Variants in GLP1R observed in about 807,000 individuals in gnomAD.
The protein encoded by GLP1R is glucagon-like peptide 1 receptor.
In GLP1R, 32 loss-of-function variants were observed where a neutral mutation model predicts 68.4. That is an observed-to-expected ratio of 0.47 (90% confidence interval 0.35 to 0.63). GLP1R has a LOEUF of 0.63. GLP1R is among the 20% of genes least tolerant of loss of function. The probability of loss-of-function intolerance (pLI) is 0.00; values close to 1 mark genes in which losing one functional copy is unlikely to be tolerated. For synonymous variants in GLP1R, 263 were observed against 244.4 expected, an observed-to-expected ratio of 1.08 and a Z score of -0.71; for missense variants, 502 against 594.9, an observed-to-expected ratio of 0.84 and a Z score of 1.62.
At chr6:39,054,313 G>T (rs1768160778) in intron 1 of GLP1R, among the ~76,000 whole-genome samples, 1 of 152,052 alleles carries the variant, frequency 6.6e-6, no homozygotes. Context: ...CGTGGGAGAG[G>T]CCAGAAGTCT....
intron 12 of GLP1R, 143 bp from the exon 13 acceptor site, chr6:39,085,763 T>C: frequency 1.3e-6 from 1 of 747,676 alleles, no homozygotes; most frequent in Non-Finnish European, 2.3e-6. Flanking sequence ...GGGATATTAA[T>C]TTAGGAGCCC....
At chr6:39,068,072 A>G (rs1768562210) in intron 5 of GLP1R, among the ~76,000 whole-genome samples, 1 of 152,276 alleles carries the variant, frequency 6.6e-6, no homozygotes, top group African/African-American at 2.4e-5. Context: ...AGACCATTAA[A>G]TAAATACAAT....
chr6:39,085,833 T>C (rs1276630336), intron 12 of GLP1R, 73 bp from the exon 13 acceptor site: 6 of 1,399,506 alleles, frequency 4.3e-6, no homozygotes, highest in Non-Finnish European at 5.0e-6. Flanking sequence ...TCCCCACTAA[T>C]GTAATAGTGG....
At chr6:39,052,693 C>T (rs141056575) in intron 1 of GLP1R, among the ~76,000 whole-genome samples, 64 of 152,308 alleles carry the variant, frequency 4.2e-4, no homozygotes, top group African/African-American at 1.2e-3. Flanking sequence ...TTCCTTCCAA[C>T]GCTGCCTGCT....
chr6:39,049,193 C>G lies in GLP1R; in HGVS notation c.78+275C>G, dbSNP rs1768030172. 6.6e-6 allele frequency among the ~76,000 whole-genome samples: 1 copy of G among 152,154 alleles called. No homozygotes were observed. The highest frequency in any genetic ancestry group is 1.5e-5 in the Non-Finnish European group (1 of 68,010). ...CCCTCTGCCCGGGCACCCGCTGCCC[C>G]GCGGCCGCCCTGCGCTGACTTCTGC... On this transcript the variant is annotated intron_variant, in intron 1 of 12. Coordinates refer to ENST00000373256, the MANE Select transcript of GLP1R (RefSeq NM_002062.5). This position sits in a 1 kb window ranked among gnomAD's most constrained non-coding sequence, Gnocchi z 4.5.
At chr6:39,077,708 C>A (rs1768867397) in intron 7 of GLP1R, among the ~76,000 whole-genome samples, 2 of 151,896 alleles carry the variant, frequency 1.3e-5, no homozygotes, top group Admixed American at 1.3e-4. Flanking sequence ...CTACACAAGT[C>A]AAGTCTCAGC....
intron 5 of GLP1R, among the ~76,000 whole-genome samples, chr6:39,068,398 T>C (rs539996883): frequency 6.6e-6 from 1 of 150,648 alleles, no homozygotes. Context: ...TGGAGGAGAA[T>C]CTTGCCCCCC....
intron 5 of GLP1R, among the ~76,000 whole-genome samples, chr6:39,069,639 A>AC (rs1051397602): frequency 6.9e-6 from 1 of 145,432 alleles, no homozygotes; most frequent in Non-Finnish European, 1.5e-5. Context: ...CTCTGTCTCA[A>AC]AAAAAAAAAA....
At position 39,088,209 on chromosome 6, in the gene GLP1R, T is replaced by C. The variant is rs1437080053; in HGVS notation, c.*2136T>C. Among the ~76,000 whole-genome samples the C allele has an allele frequency of 6.6e-6, 1 of 152,062 alleles. No homozygotes were observed. Among genetic ancestry groups the C allele is most frequent in the African/African-American group, 2.4e-5 (1 of 41,418 alleles). On this transcript the variant is annotated 3_prime_UTR_variant, in exon 13 of 13. Transcript: ENST00000373256. ...CATCAGACCCCTACACCCAAGTCTTTTAACACGGAGGAAGTTTTTCCTTCA... is the reference window on the plus strand; with the variant it reads ...CATCAGACCCCTACACCCAAGTCTTCTAACACGGAGGAAGTTTTTCCTTCA...
rs200281379 is a variant in GLP1R at position 39,079,102 on chromosome 6, C to A, written c.955-10C>A. ...GGTGCCCCCTGCCAATCCCCGGCCC[C>A]ACCCCGCAGGTGAACTTCCTCATCT... is the stretch of plus-strand genomic sequence containing the variant. On this transcript the variant is annotated splice_polypyrimidine_tract_variant and intron_variant, in intron 9 of 12. Transcript: ENST00000373256. This position sits in a 1 kb window ranked among gnomAD's most constrained non-coding sequence, Gnocchi z 4.5. 75 of 1,613,584 alleles carry A rather than the reference C, an allele frequency of 4.6e-5. No individual in the cohort carries two copies. The East Asian group carries it at 1.7e-3, about 36-fold the overall frequency.
Position 39,072,955 on chromosome 6 carries a change from G to A in GLP1R, c.603G>A (p.Leu201=). The change falls in exon 6 of 13, where the codon CTG becomes CTA. Residue 201 remains leucine (L), a synonymous_variant. Coordinates refer to ENST00000373256, the MANE Select transcript of GLP1R (RefSeq NM_002062.5). ...ALSVFIKDAA[L]KWMYSTAAQQ... ...CCGTCTTCATCAAGGACGCAGCCCT[G>A]AAGTGGATGTATAGCACAGCCGCCC... 6.2e-7 allele frequency: 1 copy of A among 1,614,160 alleles called. No homozygotes were observed. The highest frequency in any genetic ancestry group is 2.2e-5 in the East Asian group (1 of 44,884).
Position 39,057,546 on chromosome 6 carries a change from A to T in GLP1R, c.250A>T (p.Ser84Cys). ...GGAGCCAGGCTCGTTCGTGAATGTC[A>T]GCTGCCCCTGGTACCTGCCCTGGGC... ...DGEPGSFVNV[S>C]CPWYLPWASS... Residue 84 changes from serine to cysteine, a missense_variant, in exon 3 of 13, where the codon AGC becomes TGC. By Grantham distance (112) the Ser-to-Cys change is moderately radical. Transcript: ENST00000373256. 6.2e-7 allele frequency: 1 copy of T among 1,612,142 alleles called. No individual in the cohort carries two copies. The highest frequency in any genetic ancestry group is 8.5e-7 in the Non-Finnish European group (1 of 1,179,096).
At chr6:39,066,175 G>T (rs202016350) in intron 4 of GLP1R, 22 bp from the exon 5 acceptor site, 65 of 1,325,796 alleles carry the variant, frequency 4.9e-5, no homozygotes, top group South Asian at 7.2e-5. Flanking sequence ...CCATGTACAC[G>T]TATGTCCCCC....
chr6:39,067,539 G>T (rs953855510), intron 5 of GLP1R, among the ~76,000 whole-genome samples: 1 of 152,124 alleles, frequency 6.6e-6, no homozygotes. Flanking sequence ...AATCCCATTC[G>T]TGAGGGCAGA....
At chr6:39,072,655 T>C (rs1391449254) in intron 5 of GLP1R, among the ~76,000 whole-genome samples, 2 of 152,174 alleles carry the variant, frequency 1.3e-5, no homozygotes. Flanking sequence ...AGTGACTACA[T>C]AGCGGAAGCC....
chr6:39,065,709 A>G lies in GLP1R; in HGVS notation c.284-2A>G. 1.3e-6 allele frequency: 2 copies of G among 1,555,436 alleles called. No individual in the cohort carries two copies. The highest frequency in any genetic ancestry group is 1.2e-5 in the South Asian group (1 of 84,540). On this transcript the variant is annotated splice_acceptor_variant, in intron 3 of 12. Coordinates refer to ENST00000373256, the MANE Select transcript of GLP1R (RefSeq NM_002062.5). LOFTEE classifies it high-confidence loss of function. Reference sequence around the variant, plus strand: ...GCTCAGGGCCAGGTCTCCCCACCCCAGTGCCGCAGGGCCACGTGTACCGGT... The same window carrying G: ...GCTCAGGGCCAGGTCTCCCCACCCCGGTGCCGCAGGGCCACGTGTACCGGT...
rs186377625 is a variant in GLP1R at position 39,065,842 on chromosome 6, G to A, written c.402+13G>A. The A allele has an allele frequency of 2.3e-5, 35 of 1,511,900 alleles. No individual in the cohort carries two copies. Among genetic ancestry groups the A allele is most frequent in the Middle Eastern group, 3.4e-4 (2 of 5,878 alleles). The allele number at this position is 1,511,900 out of a possible 1,614,324, so 93.7% of individuals were successfully genotyped here. A position where few individuals can be genotyped will look rare whatever the true frequency, so the allele number is the denominator to read the frequency against. On this transcript the variant is annotated intron_variant, in intron 4 of 12. Coordinates refer to ENST00000373256, the MANE Select transcript of GLP1R (RefSeq NM_002062.5). Reference sequence around the variant, plus strand: ...GCGAGGGGAAAGAGTGAGTTGAGGCGGGGTTCTGAGCCAGGGAGCGGGGAG... The same window carrying A: ...GCGAGGGGAAAGAGTGAGTTGAGGCAGGGTTCTGAGCCAGGGAGCGGGGAG...
At chr6:39,071,459 C>T (rs930042723) in intron 5 of GLP1R, among the ~76,000 whole-genome samples, 1 of 151,712 alleles carries the variant, frequency 6.6e-6, no homozygotes, top group Non-Finnish European at 1.5e-5. Context: ...TTTGCTCTTC[C>T]TTGTGGTTCT....
intron 1 of GLP1R, among the ~76,000 whole-genome samples, chr6:39,055,187 C>T (rs1214976989): frequency 2.6e-5 from 4 of 152,222 alleles, no homozygotes; most frequent in Non-Finnish European, 4.4e-5. Context: ...AGACTGGATC[C>T]AGCATGTGCC....
Sources: gnomAD v4.1 joint callset for allele counts (sites outside exome capture counted in the v4.1 genomes callset) on GRCh38, gnomAD v4.1.1 for gene constraint, Gnocchi (gnomAD v3.1) non-coding constraint, MANE v1.5 for transcripts, NCBI Gene and HGNC (gene_info 2026-07-23, HGNC 2026-07-21) for gene names.